Variants in AFF3 observed in about 807,000 individuals in gnomAD.
AFF3 encodes the protein ALF transcription elongation factor 3, also known as AF4/FMR2 family member 3.
AFF3 carries 32 observed loss-of-function variants against 129.7 expected under a neutral mutation model. The observed-to-expected ratio is 0.25, with a 90% CI of 0.19 to 0.33. AFF3 has a LOEUF of 0.33. Among genes scored for constraint, AFF3 ranks in the 10% least tolerant of loss-of-function variants. AFF3 has a pLI of 1.00. For synonymous variants in AFF3, 644 were observed against 635.4 expected, an observed-to-expected ratio of 1.01 and a Z score of -0.20; for missense variants, 1,373 against 1,592.0, an observed-to-expected ratio of 0.86 and a Z score of 2.34.
At chr2:99,607,724 T>C (rs774239975) in intron 13 of AFF3, among the ~76,000 whole-genome samples, 19 of 152,236 alleles carry the variant, frequency 1.2e-4, no homozygotes, top group Non-Finnish European at 2.4e-4. Context: ...GGTGCCCACA[T>C]CGCACCACAC....
At position 99,664,638 on chromosome 2, in the gene AFF3, T is replaced by C. The variant is rs375459672; in HGVS notation, c.1143+7900A>G. ...TTTTGATGTTTGGACAGAACTCATT[T>C]GAAAAATCATAGAGTTCAGGAAAAG... On this transcript the variant is annotated intron_variant, in intron 12 of 24. Transcript: ENST00000672756. 1.3e-4 allele frequency among the ~76,000 whole-genome samples: 20 copies of C among 152,368 alleles called. 1 individual carries two copies. In the South Asian group the frequency reaches 1.7e-3, roughly 13 times the overall value.
At chr2:100,098,175 C>T (rs997036646) in intron 4 of AFF3, among the ~76,000 whole-genome samples, 3 of 149,050 alleles carry the variant, frequency 2.0e-5, no homozygotes, top group Non-Finnish European at 4.5e-5. Flanking sequence ...CAGGGCCAAA[C>T]AGAAAGCAAG....
intron 7 of AFF3, among the ~76,000 whole-genome samples, chr2:99,991,864 C>T (rs1680370937): frequency 6.6e-6 from 1 of 151,610 alleles, no homozygotes; most frequent in African/African-American, 2.4e-5. Context: ...GATTGCGACA[C>T]TGCACTACAG....
At chr2:99,900,707 C>A (rs1694283968) in intron 7 of AFF3, among the ~76,000 whole-genome samples, 1 of 152,148 alleles carries the variant, frequency 6.6e-6, no homozygotes, top group African/African-American at 2.4e-5. Flanking sequence ...CCAGACCAGG[C>A]CTGGGATTCT....
chr2:99,846,378 C>T (rs1417306548), intron 7 of AFF3, among the ~76,000 whole-genome samples: 3 of 152,222 alleles, frequency 2.0e-5, no homozygotes, highest in Non-Finnish European at 2.9e-5. Context: ...GATCTGCCCG[C>T]CTTGGCCTCC....
At chr2:99,561,782 G>A (rs1675499962) in intron 20 of AFF3, among the ~76,000 whole-genome samples, 1 of 151,708 alleles carries the variant, frequency 6.6e-6, no homozygotes, top group South Asian at 2.1e-4. Flanking sequence ...CTTTCCCAAT[G>A]CTCCCATATT....
intron 18 of AFF3, among the ~76,000 whole-genome samples, chr2:99,569,529 T>A (rs959498671): frequency 6.6e-6 from 1 of 152,120 alleles, no homozygotes; most frequent in Admixed American, 6.6e-5. Flanking sequence ...TTCTCTAGAG[T>A]TCTGATTAGC....
intron 4 of AFF3, among the ~76,000 whole-genome samples, chr2:100,020,722 T>C (rs1343601171): frequency 6.6e-6 from 1 of 152,178 alleles, no homozygotes; most frequent in African/African-American, 2.4e-5. Context: ...AGACTGCTCA[T>C]ACTTGTCCAA....
chr2:99,929,517 CTTAT>C (rs1696519763), intron 7 of AFF3, among the ~76,000 whole-genome samples: 1 of 152,086 alleles, frequency 6.6e-6, no homozygotes, highest in African/African-American at 2.4e-5. Flanking sequence ...TGTTGATGTG[CTTAT>C]TTATTTTTAT....
intron 8 of AFF3, among the ~76,000 whole-genome samples, chr2:99,816,311 T>C (rs1687230576): frequency 6.6e-6 from 1 of 152,254 alleles, no homozygotes; most frequent in Non-Finnish European, 1.5e-5. Context: ...AAATTCTTTG[T>C]CTGAGAGTTC....
rs146097656 is a variant in AFF3 at position 99,845,682 on chromosome 2, T to A, written c.874-8158A>T. 2.0e-3 allele frequency among the ~76,000 whole-genome samples: 301 copies of A among 152,270 alleles called. 1 individual carries two copies. Among genetic ancestry groups the A allele is most frequent in the Non-Finnish European group, 2.7e-3 (186 of 68,026 alleles). ...CACCTAAAACCCTACGTCGTTAATT[T>A]TACCAAGAAGAAGATCACACAGGTT... On this transcript the variant is annotated intron_variant, in intron 7 of 24. Transcript: ENST00000672756.
At chr2:99,748,289 C>A (rs79503695) in intron 9 of AFF3, among the ~76,000 whole-genome samples, 2,883 of 152,274 alleles carry the variant, frequency 0.019, 81 homozygotes, top group African/African-American at 0.065. Flanking sequence ...GTCTCACCAG[C>A]CTTCTCTCCC....
intron 7 of AFF3, among the ~76,000 whole-genome samples, chr2:99,903,399 T>G (rs1056595656): frequency 1.3e-5 from 2 of 152,140 alleles, no homozygotes; most frequent in Non-Finnish European, 2.9e-5. Flanking sequence ...GAAGAAATAA[T>G]AAGTGAATAT....
chr2:100,036,955 G>A (rs901741414), intron 4 of AFF3, among the ~76,000 whole-genome samples: 11 of 152,124 alleles, frequency 7.2e-5, no homozygotes, highest in African/African-American at 2.4e-4. Context: ...TGTGCAGAGC[G>A]GCAGGAGGTC....
At chr2:100,105,885 C>G (rs1435683866) in intron 2 of AFF3, 13 of 1,332,326 alleles carry the variant, frequency 9.8e-6, no homozygotes, top group South Asian at 1.2e-5. Flanking sequence ...ACCTCGCACT[C>G]CCCGCCAAAA....
chr2:99,842,087 A>C (rs949573297), intron 7 of AFF3, among the ~76,000 whole-genome samples: 2 of 152,174 alleles, frequency 1.3e-5, no homozygotes, highest in Admixed American at 6.5e-5. Context: ...CCCTTCTGTG[A>C]CATTAAAAAA....
chr2:99,597,196 G>A (rs987967882), intron 14 of AFF3, among the ~76,000 whole-genome samples: 2 of 152,128 alleles, frequency 1.3e-5, no homozygotes, highest in Non-Finnish European at 2.9e-5. Context: ...TTGTCTCCAC[G>A]GCTGCATCAC....
chr2:100,131,048 C>T (rs1692410929), intron 1 of AFF3, among the ~76,000 whole-genome samples: 1 of 152,116 alleles, frequency 6.6e-6, no homozygotes, highest in Admixed American at 6.5e-5. Flanking sequence ...TTATAAACAC[C>T]ATACTTAAAA....
In AFF3 at chr2:99,752,484, A is replaced by G. The variant is rs373560524; in HGVS notation, c.922-183T>C. On this transcript the variant is annotated intron_variant, in intron 8 of 24. Coordinates refer to ENST00000672756, the MANE Select transcript of AFF3 (RefSeq NM_001386135.1). ...TTTTATGATTTCATTTCCTAATTTT[A>G]CCAATTCTTGACTCCTTGGCTCTCC... Among the ~76,000 whole-genome samples, 4 of 152,360 alleles carry G rather than the reference A, an allele frequency of 2.6e-5. No homozygotes were observed. In the East Asian group the frequency reaches 5.8e-4, roughly 22 times the overall value.
Sources: gnomAD v4.1 joint callset for allele counts (sites outside exome capture counted in the v4.1 genomes callset) on GRCh38, gnomAD v4.1.1 for gene constraint, MANE v1.5 for transcripts, NCBI Gene and HGNC (gene_info 2026-07-23, HGNC 2026-07-21) for gene names.